The following CGNL1 variants were observed in gnomAD, a reference collection of about 807,000 sequenced individuals.
CGNL1 encodes cingulin-like protein 1.
Under a neutral mutation model 141.2 loss-of-function variants are expected in CGNL1, and 132 were observed. That is an observed-to-expected ratio of 0.93 (90% confidence interval 0.81 to 1.08). The LOEUF is 1.08. CGNL1 is among the 50% of genes least tolerant of loss of function. The pLI is 0.00. For missense variants in CGNL1, 1,870 were observed against 1,588.6 expected, an observed-to-expected ratio of 1.18 and a Z score of -3.01; for synonymous variants, 690 against 622.1, an observed-to-expected ratio of 1.11 and a Z score of -1.63.
chr15:57,537,953 C>T (rs117047297), intron 14 of CGNL1, among the ~76,000 whole-genome samples: 2,191 of 152,370 alleles, frequency 0.014, 19 homozygotes, highest in Non-Finnish European at 0.021. Context: ...CTTGAGTTTA[C>T]TCTTCTCTGG....
At chr15:57,386,491 A>G (rs1220948450) in intron 1 of CGNL1, among the ~76,000 whole-genome samples, 1 of 152,166 alleles carries the variant, frequency 6.6e-6, no homozygotes, top group Non-Finnish European at 1.5e-5. Flanking sequence ...TGTTACGGGC[A>G]TAGTAGGAGG....
At chr15:57,454,897 T>C (rs370199230) in intron 7 of CGNL1, among the ~76,000 whole-genome samples, 3 of 151,502 alleles carry the variant, frequency 2.0e-5, no homozygotes, top group South Asian at 4.2e-4. Context: ...AAAACGAAAA[T>C]TGAAAAAAGG....
chr15:57,453,768 C>T lies in CGNL1; in HGVS notation c.2140C>T (p.Leu714=), dbSNP rs1437792897. The part of the protein sequence containing the change: ...QDQLSEMHDE[L]DSAKRSEDRE... Reference sequence around the variant, plus strand: ...CCAGCTCTCAGAAATGCACGATGAACTGGACAGTGCAAAGCGATCGGAGGA... The same window carrying T: ...CCAGCTCTCAGAAATGCACGATGAATTGGACAGTGCAAAGCGATCGGAGGA... Residue 714 remains leucine, a synonymous_variant, in exon 7 of 19, where the codon CTG becomes TTG. Transcript: ENST00000281282. 2.5e-6 allele frequency: 4 copies of T among 1,613,844 alleles called. No individual in the cohort carries two copies. Among genetic ancestry groups the T allele is most frequent in the South Asian group, 1.1e-5 (1 of 91,068 alleles).
In CGNL1 at chr15:57,438,208, C is replaced by T. The variant is rs946541290; in HGVS notation, c.209C>T (p.Ser70Phe). 6 of 1,614,216 alleles carry T rather than the reference C, an allele frequency of 3.7e-6. No homozygotes were observed. Among genetic ancestry groups the T allele is most frequent in the Non-Finnish European group, 2.5e-6 (3 of 1,180,034 alleles). Residue 70 changes from serine (S) to phenylalanine (F), a missense_variant, in exon 2 of 19, where the codon TCT becomes TTT. By Grantham distance (155) the Ser-to-Phe change is radical. Coordinates refer to ENST00000281282, the MANE Select transcript of CGNL1 (RefSeq NM_032866.5). ...TERCLAGTSF[S>F]ENGPPFPPPV... Reference sequence around the variant, plus strand: ...CGGTGCCTAGCAGGCACATCGTTTTCTGAAAATGGGCCACCCTTTCCACCT... The same window carrying T: ...CGGTGCCTAGCAGGCACATCGTTTTTTGAAAATGGGCCACCCTTTCCACCT...
At chr15:57,386,115 T>G (rs1186387596) in intron 1 of CGNL1, among the ~76,000 whole-genome samples, 2 of 152,234 alleles carry the variant, frequency 1.3e-5, no homozygotes, top group Non-Finnish European at 2.9e-5. Context: ...TTCTCTCCAT[T>G]AAACATGACT....
At chr15:57,395,511 C>T (rs1318749059) in intron 1 of CGNL1, among the ~76,000 whole-genome samples, 4 of 152,202 alleles carry the variant, frequency 2.6e-5, no homozygotes, top group African/African-American at 4.8e-5. Flanking sequence ...CAGGTCACAG[C>T]CTTTGCGTCT....
chr15:57,464,741 C>G (rs1595731961), intron 8 of CGNL1, among the ~76,000 whole-genome samples: 1 of 104,110 alleles, frequency 9.6e-6, no homozygotes, highest in South Asian at 3.0e-4. Flanking sequence ...TTCTTTCTTT[C>G]TTTCTCTTTC....
intron 1 of CGNL1, among the ~76,000 whole-genome samples, chr15:57,436,637 C>G (rs2063109167): frequency 6.6e-6 from 1 of 151,962 alleles, no homozygotes; most frequent in African/African-American, 2.4e-5. Flanking sequence ...ACAAGTAAAG[C>G]GTCCAAGTCA....
intron 1 of CGNL1, among the ~76,000 whole-genome samples, chr15:57,391,558 C>G (rs1330733656): frequency 1.3e-5 from 2 of 152,142 alleles, no homozygotes; most frequent in African/African-American, 4.8e-5. Flanking sequence ...AGCAGTTTGG[C>G]AATGGGGCTG....
chr15:57,530,981 C>T (rs540414856), intron 13 of CGNL1, among the ~76,000 whole-genome samples: 3 of 152,128 alleles, frequency 2.0e-5, no homozygotes, highest in South Asian at 2.1e-4. Flanking sequence ...AGGAGAAACA[C>T]GTGCTCAAGG....
intron 1 of CGNL1, among the ~76,000 whole-genome samples, chr15:57,379,899 G>A (rs1896409174): frequency 6.6e-6 from 1 of 152,182 alleles, no homozygotes; most frequent in African/African-American, 2.4e-5. Flanking sequence ...AGGAGGGAAG[G>A]CTTAGTGTTT....
In CGNL1 at chr15:57,389,029, T is replaced by G. The variant is rs1595650481; in HGVS notation, c.-16+12462T>G. Among the ~76,000 whole-genome samples, 4 of 152,300 alleles carry G rather than the reference T, an allele frequency of 2.6e-5. No homozygotes were observed. In the East Asian group the frequency reaches 7.7e-4, roughly 29 times the overall value. ...CGGAGTCAAACTATAGAGAGGTGTTTTTTTTTTCTTTTTAAATTTAAATTT... is the reference window on the plus strand; with the variant it reads ...CGGAGTCAAACTATAGAGAGGTGTTGTTTTTTTCTTTTTAAATTTAAATTT... On this transcript the variant is annotated intron_variant, in intron 1 of 18. Coordinates refer to ENST00000281282, the MANE Select transcript of CGNL1 (RefSeq NM_032866.5).
intron 8 of CGNL1, among the ~76,000 whole-genome samples, chr15:57,464,853 A>G (rs568287497): frequency 2.0e-5 from 3 of 151,338 alleles, no homozygotes; most frequent in South Asian, 2.1e-4. Context: ...AGGTTCAAGC[A>G]GTTCTCCTGC....
At chr15:57,464,073 C>CTTT (rs34545500) in intron 8 of CGNL1, among the ~76,000 whole-genome samples, 14,588 of 149,022 alleles carry the variant, frequency 0.098, 1,078 homozygotes, top group East Asian at 0.31. Context: ...CACTTTTGTC[C>CTTT]TTTTTTTTTT....
At chr15:57,461,548 G>T (rs1454661607) in intron 7 of CGNL1, 132 bp from the exon 8 acceptor site, 6 of 736,750 alleles carry the variant, frequency 8.1e-6, no homozygotes, top group Admixed American at 1.9e-5. Flanking sequence ...AGGTGTGCGG[G>T]ATGTGGAAGG....
chr15:57,438,549 A>G lies in CGNL1; in HGVS notation c.550A>G (p.Asn184Asp). The G allele has an allele frequency of 6.2e-7, 1 of 1,613,906 alleles. No individual in the cohort carries two copies. Among genetic ancestry groups the G allele is most frequent in the South Asian group, 1.1e-5 (1 of 91,084 alleles). Residue 184 changes from asparagine to aspartate, a missense_variant, in exon 2 of 19, where the codon AAC becomes GAC. Coordinates refer to ENST00000281282, the MANE Select transcript of CGNL1 (RefSeq NM_032866.5). ...AAAAACGTTGACAGAAGAAGGCATCAACAATAAGAAGCCTTGGACTTGCTT... is the reference window on the plus strand; with the variant it reads ...AAAAACGTTGACAGAAGAAGGCATCGACAATAAGAAGCCTTGGACTTGCTT... ...WLKTLTEEGI[N>D]NKKPWTCFPK...
At position 57,449,251 on chromosome 15, in the gene CGNL1, G is replaced by A. The variant is rs576526857; in HGVS notation, c.1804-2249G>A. Among the ~76,000 whole-genome samples the A allele has an allele frequency of 8.5e-5, 13 of 152,234 alleles. 1 individual carries two copies. Among genetic ancestry groups the A allele is most frequent in the African/African-American group, 2.9e-4 (12 of 41,542 alleles). On this transcript the variant is annotated intron_variant, in intron 4 of 18. Coordinates refer to ENST00000281282, the MANE Select transcript of CGNL1 (RefSeq NM_032866.5). ...TCCAAGAATCCAGGGAGTATTTATT[G>A]TAGGTTCTTGGAACTTCTTCTGTGG...
intron 18 of CGNL1, among the ~76,000 whole-genome samples, chr15:57,546,560 G>C (rs1158721107): frequency 2.6e-5 from 4 of 152,116 alleles, no homozygotes. Context: ...GCAGTTCCTG[G>C]GCCATCCTGG....
intron 8 of CGNL1, among the ~76,000 whole-genome samples, chr15:57,466,620 C>T (rs2063514524): frequency 1.3e-5 from 2 of 152,116 alleles, no homozygotes; most frequent in African/African-American, 4.8e-5. Flanking sequence ...TACTTGGTAA[C>T]ACCATTGTGC....
Sources: gnomAD v4.1 joint callset for allele counts (sites outside exome capture counted in the v4.1 genomes callset) on GRCh38, gnomAD v4.1.1 for gene constraint, MANE v1.5 for transcripts, NCBI Gene and HGNC (gene_info 2026-07-23, HGNC 2026-07-21) for gene names.